NES: variants seen among roughly 807,000 people sequenced by gnomAD.
NES encodes nestin.
NES carries 27 observed loss-of-function variants against 35.6 expected under a neutral mutation model. The observed-to-expected ratio is 0.76, with a 90% CI of 0.56 to 1.04. The LOEUF is 1.04. Among genes scored for constraint, NES ranks in the 50% least tolerant of loss-of-function variants. The pLI is 0.00. For synonymous variants in NES, 822 were observed against 824.2 expected, an observed-to-expected ratio of 1.00 and a Z score of 0.04; for missense variants, 1,867 against 1,983.6, an observed-to-expected ratio of 0.94 and a Z score of 1.12.
rs1679744168 is a variant in NES, at chr1:156,671,960, G to A, written c.2228C>T (p.Ser743Leu). 11 of 1,614,136 alleles carry A rather than the reference G, an allele frequency of 6.8e-6. No homozygotes were observed. The highest frequency in any genetic ancestry group is 1.3e-5 in the African/African-American group (1 of 75,056). Residue 743 changes from serine (S) to leucine (L), a missense_variant, in exon 4 of 4, where the codon TCA becomes TTA. Ser to Leu is a moderately radical substitution (Grantham distance 145). Transcript: ENST00000368223. ...GTCCTGTTCTTCTAAAGACCTCAGT[G>A]ATTTGTGATTCTCTGTTTCTAGAGG... ...VRPLETENHKSLRSLEEQDQE... is the reference protein window; with the variant it reads ...VRPLETENHKLLRSLEEQDQE...
In NES at chr1:156,676,311, C is replaced by A. The variant is rs1647289816; in HGVS notation, c.783+171G>T. Among the ~76,000 whole-genome samples, 1 of 152,162 alleles carries A rather than the reference C, an allele frequency of 6.6e-6. No individual in the cohort carries two copies. The highest frequency in any genetic ancestry group is 6.5e-5 in the Admixed American group (1 of 15,282). On this transcript the variant is annotated intron_variant, in intron 1 of 3. Transcript: ENST00000368223. This position sits in a 1 kb window ranked among gnomAD's most constrained non-coding sequence, Gnocchi z 5.3. Reference sequence around the variant, plus strand: ...GAGAAGCCCCACCATTCGCATCCTACACTAGACGGGCTGTAAAAGTCTAGG... The same window carrying A: ...GAGAAGCCCCACCATTCGCATCCTAAACTAGACGGGCTGTAAAAGTCTAGG...
chr1:156,669,231 AGAGTGCTGCTCCT>A lies in NES; in HGVS notation c.*78_*90del, dbSNP rs1679644955. 1.2e-6 allele frequency: 1 copy of A among 844,600 alleles called. No homozygotes were observed. The highest frequency in any genetic ancestry group is 1.7e-5 in the African/African-American group (1 of 59,376). The allele number at this position is 844,600 out of a possible 1,614,324, so 52.3% of individuals were successfully genotyped here. On this transcript the variant is annotated 3_prime_UTR_variant, in exon 4 of 4. Transcript: ENST00000368223. ...CCATATGTCAAGAGATCGTAAGTTA[AGAGTGCTGCTCCT>A]GAGCAGGGAGCGGGCTTGGAGGCGT...
Position 156,672,426 on chromosome 1 carries a change from T to G in NES, c.1762A>C (p.Ser588Arg). 1 of 1,611,680 alleles carries G rather than the reference T, an allele frequency of 6.2e-7. No homozygotes were observed. The highest frequency in any genetic ancestry group is 8.5e-7 in the Non-Finnish European group (1 of 1,179,512). Residue 588 changes from serine (S) to arginine (R), a missense_variant, in exon 4 of 4, where the codon AGT becomes CGT. Physicochemically the swap from Ser to Arg is moderately radical, Grantham distance 110. Transcript: ENST00000368223. ...AGCTCTTTATTTTCCTTTTCTAGAC[T>G]TTTTAGTGTTTCTAAGTCTTCTTCT... ...SLEEDLETLK[S>R]LEKENKELLK...
In NES at chr1:156,669,729, T is replaced by C; in HGVS notation, c.4459A>G (p.Thr1487Ala). 1 of 1,614,020 alleles carries C rather than the reference T, an allele frequency of 6.2e-7. No homozygotes were observed. The highest frequency in any genetic ancestry group is 8.5e-7 in the Non-Finnish European group (1 of 1,179,978). Reference sequence around the variant, plus strand: ...GGCTCAGCACTGTCCTGGGACTCCGTTTCCAGGGCAGTCTTGGGGGCACCA... The same window carrying C: ...GGCTCAGCACTGTCCTGGGACTCCGCTTCCAGGGCAGTCTTGGGGGCACCA... ...VAGAPKTALE[T>A]ESQDSAEPSG... Residue 1487 changes from threonine (T) to alanine (A), a missense_variant, in exon 4 of 4, where the codon ACG (threonine) becomes GCG (alanine). Thr to Ala is a moderately conservative substitution (Grantham distance 58, BLOSUM62 0). Transcript: ENST00000368223.
chr1:156,676,766 C>CGCGGG lies in NES; in HGVS notation c.494_498dup (p.Gly167ProfsTer11). ...ACCTCCGGGGCCGGCGCGGGAGGCC[C>CGCGGG]GCGGGGCGGCGCGGGGCAGCGGGGG... is the stretch of plus-strand genomic sequence containing the variant. On this transcript the variant is annotated frameshift_variant, in exon 1 of 4. Coordinates refer to ENST00000368223, the MANE Select transcript of NES (RefSeq NM_006617.2). LOFTEE classifies it high-confidence loss of function. This position sits in a 1 kb window ranked among gnomAD's most constrained non-coding sequence, Gnocchi z 5.3. 5 of 1,357,274 alleles carry CGCGGG rather than the reference C, an allele frequency of 3.7e-6. No homozygotes were observed. The highest frequency in any genetic ancestry group is 4.7e-6 in the Non-Finnish European group (5 of 1,063,756). 84.1% of individuals were successfully genotyped at this position (1,357,274 alleles called of 1,614,324 possible). A position where few individuals can be genotyped will look rare whatever the true frequency, so the allele number is the denominator to read the frequency against.
Position 156,670,977 on chromosome 1 carries a change from C to T in NES, c.3211G>A (p.Val1071Met). The stretch of plus-strand genomic sequence containing the variant: ...GAGGCTTGGTCACCCCCTGGGGCCA[C>T]ATCATCTTCCACCAGGGGCTCTATC... ...EAIEPLVEDD[V>M]APGGDQASPE... Residue 1071 changes from valine to methionine, a missense_variant, in exon 4 of 4, where the codon GTG (valine) becomes ATG (methionine). Physicochemically the swap from Val to Met is conservative, Grantham distance 21 (BLOSUM62 1). Transcript: ENST00000368223. The T allele has an allele frequency of 5.6e-6, 9 of 1,611,392 alleles. No individual in the cohort carries two copies. Among genetic ancestry groups the T allele is most frequent in the Non-Finnish European group, 7.6e-6 (9 of 1,179,042 alleles).
Position 156,676,568 on chromosome 1 carries a change from C to A in NES, c.697G>T (p.Gly233Ter). The change falls in exon 1 of 4, where the codon GGA becomes TGA. Residue 233 changes from glycine (G) to a stop codon, truncating the protein, a stop_gained. Coordinates refer to ENST00000368223, the MANE Select transcript of NES (RefSeq NM_006617.2). LOFTEE classifies it high-confidence loss of function. This position sits in a 1 kb window ranked among gnomAD's most constrained non-coding sequence, Gnocchi z 5.3. ...GCTGCCCTGCGCTCCAGGAGGCCTC[C>A]GCGCTCAGCCTGGAGCTGCTGCAGC... ...LELQQLQAER[G>*]GLLERRAALE... The A allele has an allele frequency of 6.3e-7, 1 of 1,589,458 alleles. No homozygotes were observed. The highest frequency in any genetic ancestry group is 8.5e-7 in the Non-Finnish European group (1 of 1,175,514).
At chr1:156,675,172 G>A in intron 2 of NES, 44 bp downstream of exon 2, 11 of 1,600,342 alleles carry the variant, frequency 6.9e-6, no homozygotes, top group Non-Finnish European at 9.4e-6. Context: ...CCCAGCATGT[G>A]TGTGTGCCTC....
rs756401496 is a variant in NES at position 156,669,283 on chromosome 1, G to A, written c.*39C>T. The A allele has an allele frequency of 1.5e-5, 21 of 1,438,808 alleles. No individual in the cohort carries two copies. Among genetic ancestry groups the A allele is most frequent in the East Asian group, 9.3e-5 (4 of 43,176 alleles). 89.1% of individuals were successfully genotyped at this position (1,438,808 alleles called of 1,614,324 possible). On this transcript the variant is annotated 3_prime_UTR_variant, in exon 4 of 4. Coordinates refer to ENST00000368223, the MANE Select transcript of NES (RefSeq NM_006617.2). ...GCTTGGAGGCGTCCTTCCCCTCCCC[G>A]CACCCCTAAGTCCCCAGTGCCGGGC...
intron 2 of NES, among the ~76,000 whole-genome samples, chr1:156,674,711 C>T (rs889635277): frequency 2.0e-5 from 3 of 152,216 alleles, no homozygotes; most frequent in Non-Finnish European, 4.4e-5. Flanking sequence ...AGAGGAGTCT[C>T]GCCCCATGAC....
In NES at chr1:156,676,597, A is replaced by C; in HGVS notation, c.668T>G (p.Leu223Arg). 6.3e-7 allele frequency: 1 copy of C among 1,575,326 alleles called. No individual in the cohort carries two copies. Among genetic ancestry groups the C allele is most frequent in the Admixed American group, 1.8e-5 (1 of 56,640 alleles). ...CTCAGCCTGGAGCTGCTGCAGCTCC[A>C]GGCGGCCCTCGCGGGCACCCTGCAC... ...RAVQGAREGR[L>R]ELQQLQAERG... The change falls in exon 1 of 4, where the codon CTG becomes CGG. Residue 223 changes from leucine (L) to arginine (R), a missense_variant. Physicochemically the swap from Leu to Arg is moderately radical, Grantham distance 102. Transcript: ENST00000368223. This position sits in a 1 kb window ranked among gnomAD's most constrained non-coding sequence, Gnocchi z 5.3.
Position 156,671,249 on chromosome 1 carries a change from A to G in NES, c.2939T>C (p.Leu980Pro). ...AGVENEDEAE[L>P]NLREQDGFTG... ...GAAGCCATCCTGCTCCCTCAGATTCAGCTCTGCCTCATCCTCATTTTCCAC... is the reference window on the plus strand; with the variant it reads ...GAAGCCATCCTGCTCCCTCAGATTCGGCTCTGCCTCATCCTCATTTTCCAC... The change falls in exon 4 of 4, where the codon CTG (leucine) becomes CCG (proline). Residue 980 changes from leucine to proline, a missense_variant. Coordinates refer to ENST00000368223, the MANE Select transcript of NES (RefSeq NM_006617.2). 1 of 1,614,072 alleles carries G rather than the reference A, an allele frequency of 6.2e-7. No homozygotes were observed.
rs768842403 is a variant in NES at position 156,669,783 on chromosome 1, A to T, written c.4405T>A (p.Trp1469Arg). 2 of 1,613,836 alleles carry T rather than the reference A, an allele frequency of 1.2e-6. No homozygotes were observed. Among genetic ancestry groups the T allele is most frequent in the African/African-American group, 2.7e-5 (2 of 74,846 alleles). Residue 1469 changes from tryptophan (W) to arginine (R), a missense_variant, in exon 4 of 4, where the codon TGG becomes AGG. Trp to Arg is a moderately radical substitution (Grantham distance 101). Coordinates refer to ENST00000368223, the MANE Select transcript of NES (RefSeq NM_006617.2). ...ACTGCACCCCTCAAGCTGTCATCCC[A>T]GGGGACACTGACACTCACAGAATCA... ...ESDSVSVSVP[W>R]DDSLRGAVAG... is the part of the protein sequence containing the mutation.
chr1:156,669,374 T>G lies in NES; in HGVS notation c.4814A>C (p.Lys1605Thr), dbSNP rs200988675. ...TCTATCTCCTTCCCTCTGAGTGAAC[T>G]TCAGGAACTGACCCTGGCCCAGGTG... ...PVHLGQGQFLKFTQREGDRES... is the reference protein window; with the variant it reads ...PVHLGQGQFLTFTQREGDRES... Residue 1605 changes from lysine (K) to threonine (T), a missense_variant, in exon 4 of 4, where the codon AAG (lysine) becomes ACG (threonine). Physicochemically the swap from Lys to Thr is moderately conservative, Grantham distance 78. Transcript: ENST00000368223. 4.5e-5 allele frequency: 72 copies of G among 1,607,044 alleles called. No individual in the cohort carries two copies. In the South Asian group the frequency reaches 7.6e-4, roughly 17 times the overall value.
rs749231946 is a variant in NES, at chr1:156,670,513, G to T, written c.3675C>A (p.Tyr1225Ter). The T allele has an allele frequency of 2.5e-5, 40 of 1,599,308 alleles. No individual in the cohort carries two copies. The highest frequency in any genetic ancestry group is 3.3e-5 in the Non-Finnish European group (39 of 1,170,648). The change falls in exon 4 of 4, where the codon TAC becomes TAA. Residue 1225 changes from tyrosine (Y) to a stop codon, truncating the protein, a stop_gained. Coordinates refer to ENST00000368223, the MANE Select transcript of NES (RefSeq NM_006617.2). LOFTEE classifies it low-confidence loss of function (END_TRUNC). ...PPVLVSPSPT[Y>*]TPILEDAPGP... ...CAGGGGCATCTTCCAGGATCGGGGT[G>T]TACGTTGGGCTGGGGGAGACCAGCA...
rs1679654806 is a variant in NES, at chr1:156,669,551, G to A, written c.4637C>T (p.Ser1546Leu). 1 of 1,613,372 alleles carries A rather than the reference G, an allele frequency of 6.2e-7. No individual in the cohort carries two copies. The highest frequency in any genetic ancestry group is 8.5e-7 in the Non-Finnish European group (1 of 1,179,536). Residue 1546 changes from serine (S) to leucine (L), a missense_variant, in exon 4 of 4, where the codon TCA becomes TTA. By Grantham distance (145) the Ser-to-Leu change is moderately radical. Coordinates refer to ENST00000368223, the MANE Select transcript of NES (RefSeq NM_006617.2). The part of the protein sequence containing the change: ...NGQGPNLEGK[S>L]QHVNGGVMNG... ...CATCACTCCCCCATTCACATGCTGTGACTTCCCCTCCAAGTTGGGACCCTG... is the reference window on the plus strand; with the variant it reads ...CATCACTCCCCCATTCACATGCTGTAACTTCCCCTCCAAGTTGGGACCCTG...
chr1:156,672,959 G>C lies in NES; in HGVS notation c.1229C>G (p.Ala410Gly). The change falls in exon 4 of 4, where the codon GCT (alanine) becomes GGT (glycine). Residue 410 changes from alanine (A) to glycine (G), a missense_variant. Ala to Gly is a moderately conservative substitution (Grantham distance 60, BLOSUM62 0). Transcript: ENST00000368223. Reference protein sequence around the residue: ...AVDAEIRAQDAPLSLLQTQGG... With the variant: ...AVDAEIRAQDGPLSLLQTQGG... Reference sequence around the variant, plus strand: ...CTGTGTCTGGAGCAGAGAGAGAGGAGCATCCTGGGCTCTGATCTCTGCATC... The same window carrying C: ...CTGTGTCTGGAGCAGAGAGAGAGGACCATCCTGGGCTCTGATCTCTGCATC... The C allele has an allele frequency of 6.2e-7, 1 of 1,614,098 alleles. No individual in the cohort carries two copies.
rs758722789 is a variant in NES at position 156,669,297 on chromosome 1, C to T, written c.*25G>A. ...TTCCCCTCCCCGCACCCCTAAGTCC[C>T]CAGTGCCGGGCAGATGGTCTTTTCC... is the stretch of plus-strand genomic sequence containing the variant. On this transcript the variant is annotated 3_prime_UTR_variant, in exon 4 of 4. Transcript: ENST00000368223. The T allele has an allele frequency of 1.3e-6, 2 of 1,502,612 alleles. No homozygotes were observed. The highest frequency in any genetic ancestry group is 1.8e-6 in the Non-Finnish European group (2 of 1,117,018). 93.1% of individuals were successfully genotyped at this position (1,502,612 alleles called of 1,614,324 possible).
chr1:156,670,035 C>T lies in NES; in HGVS notation c.4153G>A (p.Glu1385Lys), dbSNP rs1679679840. ...EAPFLPGVPG[E>K]VAEPLGQVPQ... Reference sequence around the variant, plus strand: ...ACCTGGCCCAGAGGTTCTGCCACCTCCCCAGGGACCCCAGGAAGAAAAGGT... The same window carrying T: ...ACCTGGCCCAGAGGTTCTGCCACCTTCCCAGGGACCCCAGGAAGAAAAGGT... Residue 1385 changes from glutamate to lysine, a missense_variant, in exon 4 of 4, where the codon GAG (glutamate) becomes AAG (lysine). Physicochemically the swap from Glu to Lys is moderately conservative, Grantham distance 56. Transcript: ENST00000368223. The T allele has an allele frequency of 6.2e-7, 1 of 1,614,034 alleles. No homozygotes were observed. Among genetic ancestry groups the T allele is most frequent in the Non-Finnish European group, 8.5e-7 (1 of 1,180,000 alleles).
Sources: gnomAD v4.1 joint callset for allele counts (sites outside exome capture counted in the v4.1 genomes callset) on GRCh38, gnomAD v4.1.1 for gene constraint, Gnocchi (gnomAD v3.1) non-coding constraint, MANE v1.5 for transcripts, NCBI Gene and HGNC (gene_info 2026-07-23, HGNC 2026-07-21) for gene names.